The following NDE1 variants were observed in gnomAD, a reference collection of about 807,000 sequenced individuals.
NDE1 encodes nudE neurodevelopment protein 1, also known as nuclear distribution protein nudE homolog 1.
NDE1 carries 28 observed loss-of-function variants against 43.4 expected under a neutral mutation model. The observed-to-expected ratio is 0.65, with a 90% confidence interval of 0.48 to 0.89. The LOEUF is 0.89. Ranked by LOEUF, NDE1 falls within the 40% of genes least tolerant of loss-of-function variation. NDE1 has a pLI of 0.00. For missense variants in NDE1, 441 were observed against 434.1 expected, an observed-to-expected ratio of 1.02 and a Z score of -0.14; for synonymous variants, 184 against 172.0, an observed-to-expected ratio of 1.07 and a Z score of -0.55.
At position 15,696,717 on chromosome 16, in the gene NDE1, G is replaced by A; in HGVS notation, c.804G>A (p.Glu268=). 6.2e-7 allele frequency: 1 copy of A among 1,614,196 alleles called. No individual in the cohort carries two copies. The highest frequency in any genetic ancestry group is 8.5e-7 in the Non-Finnish European group (1 of 1,180,046). The change falls in exon 8 of 9, where the codon GAG becomes GAA. Residue 268 remains glutamate, a synonymous_variant. Transcript: ENST00000396354. ...GDLLRKVGAL[E]SKLASCRNLV... is the part of the protein sequence containing the mutation. ...AGTGTATTTCTGTCCAGGCACTGGA[G>A]TCCAAACTCGCTTCCTGCCGGAACC...
At chr16:15,679,788 G>A (rs1221049983) in intron 4 of NDE1, among the ~76,000 whole-genome samples, 1 of 150,402 alleles carries the variant, frequency 6.6e-6, no homozygotes, top group Admixed American at 6.6e-5. Flanking sequence ...TTTTGTTTTT[G>A]TTTTTGTTTT....
chr16:15,689,811 G>A (rs2151112081), intron 5 of NDE1, among the ~76,000 whole-genome samples: 1 of 151,750 alleles, frequency 6.6e-6, no homozygotes, highest in East Asian at 2.0e-4. Flanking sequence ...GTGGTGGTGC[G>A]TGCCTGTAAT....
chr16:15,650,763 A>G (rs756532774), intron 1 of NDE1, among the ~76,000 whole-genome samples: 6 of 149,010 alleles, frequency 4.0e-5, no homozygotes, highest in Non-Finnish European at 7.4e-5. Flanking sequence ...TCTCTCTCCT[A>G]TTCCTCCATC....
At chr16:15,648,085 G>T (rs1382940795), upstream of NDE1, among the ~76,000 whole-genome samples, 3 of 151,764 alleles carry the variant, frequency 2.0e-5, no homozygotes, top group Non-Finnish European at 4.4e-5. Flanking sequence ...GTTTTTATGG[G>T]TACACTGTAG....
intron 3 of NDE1, among the ~76,000 whole-genome samples, chr16:15,675,428 T>G (rs934619428): frequency 7.3e-5 from 11 of 151,684 alleles, no homozygotes; most frequent in South Asian, 4.2e-4. Flanking sequence ...TTTTGGGTTT[T>G]TTTTTTTTTT....
At chr16:15,713,059 A>ACGTC (rs1322458571) in intron 8 of NDE1, 2 of 151,584 alleles carry the variant, frequency 1.3e-5, no homozygotes, top group Non-Finnish European at 2.9e-5. Flanking sequence ...TTCGGCATTC[A>ACGTC]CATCCAGTTT....
intron 7 of NDE1, among the ~76,000 whole-genome samples, chr16:15,696,386 CA>C (rs5815840): frequency 1.5e-4 from 22 of 145,830 alleles, no homozygotes; most frequent in East Asian, 2.0e-4. Context: ...AAAAACAAAA[CA>C]AAAAAAAAAA....
At chr16:15,678,066 G>A in intron 4 of NDE1, 117 bp downstream of exon 4, 1 of 1,309,162 alleles carries the variant, frequency 7.6e-7, no homozygotes, top group South Asian at 1.2e-5. Flanking sequence ...GCAGAACAAA[G>A]CCAGTGCCCT....
At chr16:15,652,801 C>G (rs944383371) in intron 1 of NDE1, among the ~76,000 whole-genome samples, 2 of 152,012 alleles carry the variant, frequency 1.3e-5, no homozygotes, top group Middle Eastern at 3.2e-3. Flanking sequence ...GTAGCTGGGA[C>G]TAAAAGCACA....
rs904111990 is a variant in NDE1 at position 15,714,581 on chromosome 16, C to T, written c.948-9610C>T. 17 of 479,296 alleles carry T rather than the reference C, an allele frequency of 3.5e-5. No homozygotes were observed. The East Asian group carries it at 3.9e-4, about 11-fold the overall frequency. 29.7% of individuals were successfully genotyped at this position (479,296 alleles called of 1,614,324 possible). On this transcript the variant is annotated intron_variant, in intron 8 of 8. Transcript: ENST00000396354. Reference sequence around the variant, plus strand: ...GTGGTGTTGCAGCTTCAATGGATGTCGTGAAGACTCAGTGATGCAATGAAG... The same window carrying T: ...GTGGTGTTGCAGCTTCAATGGATGTTGTGAAGACTCAGTGATGCAATGAAG...
upstream of NDE1, among the ~76,000 whole-genome samples, chr16:15,646,535 C>T (rs554802465): frequency 6.7e-5 from 10 of 149,916 alleles, no homozygotes; most frequent in South Asian, 1.3e-3. Context: ...GAGCCGAGAT[C>T]GTGCCACTGC....
chr16:15,707,305 A>G (rs1310775550), intron 8 of NDE1, among the ~76,000 whole-genome samples: 2 of 152,176 alleles, frequency 1.3e-5, no homozygotes, highest in African/African-American at 4.8e-5. Flanking sequence ...CTGGGATTAT[A>G]GGCATGACCC....
chr16:15,681,632 G>T (rs369432114), intron 4 of NDE1, among the ~76,000 whole-genome samples: 3 of 151,902 alleles, frequency 2.0e-5, no homozygotes, highest in South Asian at 4.1e-4. Context: ...TTATATATTT[G>T]TCTGTGACAT....
intron 8 of NDE1, among the ~76,000 whole-genome samples, chr16:15,710,506 C>G (rs771631341): frequency 1.3e-5 from 2 of 151,954 alleles, no homozygotes; most frequent in Non-Finnish European, 2.9e-5. Flanking sequence ...GGCAACAGAG[C>G]TAGACTCCGT....
intron 8 of NDE1, among the ~76,000 whole-genome samples, chr16:15,702,610 C>T (rs564341188): frequency 1.3e-5 from 2 of 151,598 alleles, no homozygotes; most frequent in African/African-American, 2.4e-5. Context: ...GGGTCTCTCT[C>T]GGCTAGGCTG....
intron 7 of NDE1, 21 bp from the exon 8 acceptor site, chr16:15,696,688 T>G (rs1567660055): frequency 6.2e-7 from 1 of 1,614,128 alleles, no homozygotes; most frequent in Non-Finnish European, 8.5e-7. Context: ...ACTTGAGAGA[T>G]AAAAGTGTAT....
intron 8 of NDE1, chr16:15,719,832 C>G (rs2151205198): frequency 3.5e-6 from 5 of 1,416,368 alleles, no homozygotes; most frequent in Non-Finnish European, 4.9e-6. Flanking sequence ...AAAGAAGTTC[C>G]CATTGCACGA....
intron 8 of NDE1, chr16:15,717,968 T>TG (rs2040254180): frequency 2.5e-6 from 1 of 395,472 alleles, no homozygotes. Context: ...TAGTGCTCAG[T>TG]GACATCACCA....
chr16:15,644,653 G>T (rs1029730587), intron 1 of NDE1, among the ~76,000 whole-genome samples: 1 of 152,188 alleles, frequency 6.6e-6, no homozygotes, highest in African/African-American at 2.4e-5. Context: ...CATTATGTCT[G>T]TGTATAGGTA....
Sources: gnomAD v4.1 joint callset for allele counts (sites outside exome capture counted in the v4.1 genomes callset) on GRCh38, gnomAD v4.1.1 for gene constraint, MANE v1.5 for transcripts, NCBI Gene and HGNC (gene_info 2026-07-23, HGNC 2026-07-21) for gene names.